The following IDUA variants were observed in gnomAD, a reference collection of about 807,000 sequenced individuals.
IDUA encodes iduronidase alpha-L-.
IDUA carries 65 observed loss-of-function variants against 68.9 expected under a neutral mutation model. The ratio of observed to expected loss-of-function variants is 0.94; its 90% CI spans 0.77 to 1.16. The LOEUF is 1.16. Among genes scored for constraint, IDUA ranks in the 50% most tolerant of loss-of-function variants. The probability of loss-of-function intolerance (pLI) is 0.00; values close to 1 mark genes in which losing one functional copy is unlikely to be tolerated. For missense variants in IDUA, 1,046 were observed against 938.0 expected, an observed-to-expected ratio of 1.12 and a Z score of -1.50; for synonymous variants, 529 against 433.6, an observed-to-expected ratio of 1.22 and a Z score of -2.73.
chr4:988,543 G>A (rs1713934536), intron 2 of IDUA: 1 of 1,272,070 alleles, frequency 7.9e-7, no homozygotes, highest in Non-Finnish European at 9.9e-7. Flanking sequence ...CTGAGCGTCA[G>A]GTCAGGCCCA....
chr4:1,003,784 C>T (rs1044333054), intron 12 of IDUA, 159 bp downstream of exon 12: 32 of 871,596 alleles, frequency 3.7e-5, no homozygotes, highest in Middle Eastern at 5.0e-4. Flanking sequence ...CACTGTGGGC[C>T]ACGCGCCAGG....
chr4:997,016 T>G (rs939039811), intron 2 of IDUA, among the ~76,000 whole-genome samples: 1 of 152,140 alleles, frequency 6.6e-6, no homozygotes, highest in African/African-American at 2.4e-5. Flanking sequence ...TGTCACACGC[T>G]TACTTCCTTA....
chr4:996,451 G>T (rs576692490), intron 2 of IDUA, among the ~76,000 whole-genome samples: 2 of 152,338 alleles, frequency 1.3e-5, no homozygotes, highest in South Asian at 4.1e-4. Context: ...GTGCCACCTG[G>T]GGCCACAGAA....
At position 990,402 on chromosome 4, in the gene IDUA, G is replaced by T. The variant is rs1714192966; in HGVS notation, c.299+2453G>T. 5 of 1,523,678 alleles carry T rather than the reference G, an allele frequency of 3.3e-6. No individual in the cohort carries two copies. The African/African-American group carries it at 6.8e-5, about 21-fold the overall frequency. 94.4% of individuals were successfully genotyped at this position (1,523,678 alleles called of 1,614,324 possible). ...CGGTCAGGCCAGCAGGCGCCTGGCG[G>T]GAGCCACCTGCCCCTCACCAGCACC... On this transcript the variant is annotated intron_variant, in intron 2 of 13. Transcript: ENST00000514224.
chr4:999,627 C>A, intron 2 of IDUA: 1 of 151,784 alleles, frequency 6.6e-6, no homozygotes. Context: ...GGAATTCAGC[C>A]CATCCGCAAG....
At chr4:989,488 A>G in intron 2 of IDUA, 1 of 1,554,888 alleles carries the variant, frequency 6.4e-7, no homozygotes, top group Non-Finnish European at 8.7e-7. Context: ...CTCTGTGCTG[A>G]CCAGCATACA....
Position 991,577 on chromosome 4 carries a change from C to T in IDUA, c.299+3628C>T, listed in dbSNP as rs368930104. The T allele has an allele frequency of 5.0e-6, 8 of 1,601,108 alleles. No homozygotes were observed. In the African/African-American group the frequency reaches 9.3e-5, roughly 19 times the overall value. Reference sequence around the variant, plus strand: ...TGCACCAGCGCCCGGACGCACAGCACACTGCACGAGCAGCTGCACCACAGC... The same window carrying T: ...TGCACCAGCGCCCGGACGCACAGCATACTGCACGAGCAGCTGCACCACAGC... On this transcript the variant is annotated intron_variant, in intron 2 of 13. Coordinates refer to ENST00000514224, the MANE Select transcript of IDUA (RefSeq NM_000203.5).
chr4:988,922 C>T, intron 2 of IDUA: 1 of 1,603,388 alleles, frequency 6.2e-7, no homozygotes, highest in South Asian at 1.1e-5. Context: ...AGCTGCTCCT[C>T]CTCAGCCGTG....
chr4:992,382 G>T (rs548776660), intron 2 of IDUA, among the ~76,000 whole-genome samples: 1 of 152,336 alleles, frequency 6.6e-6, no homozygotes, highest in East Asian at 1.9e-4. Context: ...TCAGGAAGAG[G>T]CCTCCTATGT....
chr4:998,894 C>T (rs1358352715), intron 2 of IDUA, among the ~76,000 whole-genome samples: 4 of 151,870 alleles, frequency 2.6e-5, no homozygotes, highest in African/African-American at 9.7e-5. Flanking sequence ...ACCCCCATGG[C>T]CCCCAGCCAG....
In IDUA at chr4:990,423, G is replaced by A. The variant is rs1714195126; in HGVS notation, c.299+2474G>A. The A allele has an allele frequency of 2.7e-6, 4 of 1,472,538 alleles. No homozygotes were observed. The Admixed American group carries it at 6.5e-5, about 24-fold the overall frequency. 91.2% of individuals were successfully genotyped at this position (1,472,538 alleles called of 1,614,324 possible). ...GGCGGGAGCCACCTGCCCCTCACCAGCACCTGGCATGGCCCGAGGGGTGGT... is the reference window on the plus strand; with the variant it reads ...GGCGGGAGCCACCTGCCCCTCACCAACACCTGGCATGGCCCGAGGGGTGGT... On this transcript the variant is annotated intron_variant, in intron 2 of 13. Transcript: ENST00000514224.
intron 2 of IDUA, chr4:991,118 G>A: frequency 6.6e-7 from 1 of 1,525,978 alleles, no homozygotes; most frequent in Non-Finnish European, 8.8e-7. Context: ...GCCCAAGCAG[G>A]GCTCCTCACC....
chr4:1,002,062 G>A lies in IDUA; in HGVS notation c.873G>A (p.Ala291=). The A allele has an allele frequency of 6.3e-7, 1 of 1,594,928 alleles. No individual in the cohort carries two copies. The highest frequency in any genetic ancestry group is 8.5e-7 in the Non-Finnish European group (1 of 1,172,458). Residue 291 remains alanine (A), a synonymous_variant, in exon 7 of 14, where the codon GCG becomes GCA. Transcript: ENST00000514224. ...TCCGGCAGCTCTTCCCCAAGTTCGC[G>A]GACACCCCCATTTACAACGACGAGG... is the stretch of plus-strand genomic sequence containing the variant. ...QQIRQLFPKF[A]DTPIYNDEAD...
At chr4:1,002,642 A>AG in intron 8 of IDUA, 90 bp from the exon 9 acceptor site, 1 of 1,172,770 alleles carries the variant, frequency 8.5e-7, no homozygotes, top group Non-Finnish European at 1.2e-6. Flanking sequence ...CACCAAGGGG[A>AG]GGGGGAGCGA....
chr4:999,000 G>T (rs370385778), intron 2 of IDUA, among the ~76,000 whole-genome samples: 14 of 152,062 alleles, frequency 9.2e-5, no homozygotes, highest in East Asian at 3.9e-4. Flanking sequence ...GTCAGGAAAT[G>T]GAAACCATCC....
intron 2 of IDUA, 140 bp from the exon 3 acceptor site, chr4:1,000,472 A>G: frequency 1.4e-6 from 1 of 711,622 alleles, no homozygotes. Flanking sequence ...TCCAAGGGGA[A>G]GGGCCCCTCG....
At chr4:990,068 G>C in intron 2 of IDUA, 1 of 1,600,992 alleles carries the variant, frequency 6.2e-7, no homozygotes, top group Non-Finnish European at 8.5e-7. Context: ...GTGGGCAGCG[G>C]CACCCTCAGG....
At chr4:989,922 C>A in intron 2 of IDUA, 1 of 1,558,764 alleles carries the variant, frequency 6.4e-7, no homozygotes. Flanking sequence ...AAGCCACACG[C>A]TGCATCAGCC....
intron 4 of IDUA, 88 bp from the exon 5 acceptor site, chr4:1,001,380 C>A: frequency 4.6e-6 from 5 of 1,080,222 alleles, no homozygotes; most frequent in Non-Finnish European, 7.2e-6. Context: ...TTGAGTCAGA[C>A]GCCCTTCATC....
Sources: gnomAD v4.1 joint callset for allele counts (sites outside exome capture counted in the v4.1 genomes callset) on GRCh38, gnomAD v4.1.1 for gene constraint, MANE v1.5 for transcripts, NCBI Gene and HGNC (gene_info 2026-07-23, HGNC 2026-07-21) for gene names.